NRF1: variants seen among roughly 807,000 people sequenced by gnomAD.
NRF1 encodes the protein nuclear respiratory factor 1.
In NRF1, 5 loss-of-function variants were observed where a neutral mutation model predicts 58.5. The ratio of observed to expected loss-of-function variants is 0.09; its 90% confidence interval spans 0.04 to 0.18. The LOEUF (loss-of-function observed/expected upper bound fraction) is 0.18. Ranked by LOEUF, NRF1 falls within the 10% of genes least tolerant of loss-of-function variation. The pLI is 1.00. For synonymous variants in NRF1, 224 were observed against 246.7 expected (o/e 0.91, Z 0.86); for missense variants, 288 against 657.7 (o/e 0.44, Z 6.15).
At position 129,657,372 on chromosome 7, in the gene NRF1, C is replaced by G; in HGVS notation, c.21C>G (p.Thr7=). The change falls in exon 2 of 11, where the codon ACC becomes ACG. Residue 7 remains threonine (T), a synonymous_variant. Coordinates refer to ENST00000393232, the MANE Select transcript of NRF1 (RefSeq NM_005011.5). MEEHGV[T]QTEHMATIEA... ...ACTTCATGGAGGAACACGGAGTGAC[C>G]CAAACCGAACATATGGCTACCATAG... 6.2e-7 allele frequency: 1 copy of G among 1,614,052 alleles called. No individual in the cohort carries two copies.
chr7:129,738,800 C>T (rs10258498), intron 10 of NRF1, among the ~76,000 whole-genome samples: 27,248 of 152,088 alleles, frequency 0.18, 2,700 homozygotes, highest in East Asian at 0.47. Flanking sequence ...GGGACTTGCC[C>T]AGGATCTGTC....
chr7:129,734,127 T>A (rs1045140017), intron 10 of NRF1, among the ~76,000 whole-genome samples: 5 of 152,236 alleles, frequency 3.3e-5, no homozygotes, highest in African/African-American at 1.2e-4. Context: ...ATTCTGTCTC[T>A]CAATCCTGTT....
chr7:129,652,983 A>G (rs945876054), intron 1 of NRF1, among the ~76,000 whole-genome samples: 4 of 152,240 alleles, frequency 2.6e-5, no homozygotes, highest in Non-Finnish European at 5.9e-5. Flanking sequence ...TAAATTTACC[A>G]TCATAATCAT....
chr7:129,709,319 T>A (rs1229454356), intron 6 of NRF1, 86 bp downstream of exon 6: 45 of 1,204,014 alleles, frequency 3.7e-5, no homozygotes, highest in Non-Finnish European at 4.9e-5. Context: ...CATCTTGTGC[T>A]AGAAAGTCTT....
At chr7:129,687,588 C>G (rs1802470746) in intron 4 of NRF1, among the ~76,000 whole-genome samples, 1 of 152,124 alleles carries the variant, frequency 6.6e-6, no homozygotes, top group South Asian at 2.1e-4. Flanking sequence ...GCTTCTTGAT[C>G]TTAACAGAAA....
chr7:129,711,472 T>C lies in NRF1; in HGVS notation c.964-3T>C, dbSNP rs567496980. ...CTTAACCACTTTCCATATTTTTCTT[T>C]AGGTTGGTACGGGGGCAACAGTAGC... On this transcript the variant is annotated splice_region_variant and splice_polypyrimidine_tract_variant and intron_variant, in intron 7 of 10. Transcript: ENST00000393232. 12 of 1,607,124 alleles carry C rather than the reference T, an allele frequency of 7.5e-6. 2 individuals carry two copies. The East Asian group carries it at 2.0e-4, about 27-fold the overall frequency.
intron 10 of NRF1, among the ~76,000 whole-genome samples, chr7:129,729,149 T>C (rs1803520475): frequency 6.6e-6 from 1 of 152,214 alleles, no homozygotes; most frequent in Non-Finnish European, 1.5e-5. Flanking sequence ...TCCATTCTAA[T>C]CGACTTGACC....
intron 10 of NRF1, among the ~76,000 whole-genome samples, chr7:129,754,590 G>A (rs1194621410): frequency 2.0e-5 from 3 of 151,914 alleles, no homozygotes; most frequent in Non-Finnish European, 4.4e-5. Context: ...GCCAGCAGGT[G>A]CAAAGGAAGA....
chr7:129,690,765 G>A (rs1021831868), intron 5 of NRF1, among the ~76,000 whole-genome samples: 1 of 151,938 alleles, frequency 6.6e-6, no homozygotes, highest in Admixed American at 6.6e-5. Context: ...CTTTCTTCTG[G>A]CAGTTTTTTT....
chr7:129,657,663 G>A lies in NRF1; in HGVS notation c.223+89G>A, dbSNP rs1801690128. 1.6e-5 allele frequency: 13 copies of A among 804,484 alleles called. No homozygotes were observed. In the South Asian group the frequency reaches 2.4e-4, roughly 15 times the overall value. The allele number at this position is 804,484 out of a possible 1,614,324, so 49.8% of individuals were successfully genotyped here. Reference sequence around the variant, plus strand: ...CTCACTCTGTTGCTCAGGCTGGGGTGCAGCAGCACAATCATGATTCACTGC... The same window carrying A: ...CTCACTCTGTTGCTCAGGCTGGGGTACAGCAGCACAATCATGATTCACTGC... On this transcript the variant is annotated intron_variant, in intron 2 of 10. Transcript: ENST00000393232.
At chr7:129,614,443 T>TTGTGTGTGTGTATGTG (rs1800617117) in intron 1 of NRF1, among the ~76,000 whole-genome samples, 1 of 145,746 alleles carries the variant, frequency 6.9e-6, no homozygotes, top group Non-Finnish European at 1.5e-5. Flanking sequence ...AAATATGTAT[T>TTGTGTGTGTGTATGTG]TGTGTGTGTG....
chr7:129,675,471 A>G (rs905883640), intron 3 of NRF1, among the ~76,000 whole-genome samples: 4 of 152,242 alleles, frequency 2.6e-5, no homozygotes, highest in African/African-American at 7.2e-5. Flanking sequence ...AGGAATCACT[A>G]TAGCAGCTAT....
chr7:129,748,838 CAT>C (rs1491237402), intron 10 of NRF1, among the ~76,000 whole-genome samples: 2 of 152,314 alleles, frequency 1.3e-5, no homozygotes, highest in Admixed American at 1.3e-4. Flanking sequence ...GATACATGCA[CAT>C]ATGTTTATGT....
intron 2 of NRF1, 105 bp downstream of exon 2, chr7:129,657,679 G>A (rs905561352): frequency 2.9e-6 from 2 of 696,332 alleles, no homozygotes; most frequent in Non-Finnish European, 2.3e-6. Flanking sequence ...GCACAATCAT[G>A]ATTCACTGCA....
intron 10 of NRF1, among the ~76,000 whole-genome samples, chr7:129,754,024 C>A (rs1312706355): frequency 6.6e-6 from 1 of 152,072 alleles, no homozygotes; most frequent in Non-Finnish European, 1.5e-5. Flanking sequence ...AGAAGACAGG[C>A]CGGGGACATT....
chr7:129,743,240 T>A (rs2116302261), intron 10 of NRF1, among the ~76,000 whole-genome samples: 1 of 152,226 alleles, frequency 6.6e-6, no homozygotes, highest in East Asian at 1.9e-4. Flanking sequence ...ATGTCCACTT[T>A]CAGCTGACCT....
chr7:129,677,910 A>C (rs1802219589), intron 4 of NRF1, 152 bp downstream of exon 4: 4 of 772,418 alleles, frequency 5.2e-6, no homozygotes, highest in African/African-American at 1.8e-5. Context: ...TGCTTTATGC[A>C]TATCAAAACA....
intron 10 of NRF1, chr7:129,744,150 T>TTTTAA: frequency 2.1e-6 from 3 of 1,463,324 alleles, no homozygotes; most frequent in Non-Finnish European, 2.7e-6. Flanking sequence ...TTTTTTTTTT[T>TTTTAA]AACAGTTCTG....
At chr7:129,622,571 CTT>C (rs71527916) in intron 1 of NRF1, among the ~76,000 whole-genome samples, 162 of 132,540 alleles carry the variant, frequency 1.2e-3, no homozygotes, top group African/African-American at 2.0e-3. Flanking sequence ...CTTTTCTTTT[CTT>C]TTTTTTTTTT....
Sources: gnomAD v4.1 joint callset for allele counts (sites outside exome capture counted in the v4.1 genomes callset) on GRCh38, gnomAD v4.1.1 for gene constraint, MANE v1.5 for transcripts, NCBI Gene and HGNC (gene_info 2026-07-23, HGNC 2026-07-21) for gene names.